CTNNA2: variants seen among roughly 807,000 people sequenced by gnomAD.
The protein encoded by CTNNA2 is catenin alpha 2.
In CTNNA2, 42 loss-of-function variants were observed where a neutral mutation model predicts 101.0. The observed-to-expected ratio is 0.42, with a 90% CI of 0.32 to 0.54. CTNNA2 has a LOEUF of 0.54. Ranked by LOEUF, CTNNA2 falls within the 20% of genes least tolerant of loss-of-function variation. The probability of loss-of-function intolerance (pLI) is 0.14; values close to 1 mark genes in which losing one functional copy is unlikely to be tolerated. For synonymous variants in CTNNA2, 450 were observed against 456.4 expected (o/e 0.99, Z 0.18); for missense variants, 871 against 1,223.1 (o/e 0.71, Z 4.29).
chr2:80,084,825 T>C (rs1397656952), intron 7 of CTNNA2, among the ~76,000 whole-genome samples: 1 of 152,104 alleles, frequency 6.6e-6, no homozygotes, highest in Non-Finnish European at 1.5e-5. Flanking sequence ...TGTGATGTTC[T>C]GTGATGTTTT....
chr2:80,384,092 C>T (rs1676771230), intron 7 of CTNNA2, among the ~76,000 whole-genome samples: 1 of 152,072 alleles, frequency 6.6e-6, no homozygotes, highest in Non-Finnish European at 1.5e-5. Flanking sequence ...ACATGTTCTC[C>T]CTTACAAATA....
At chr2:80,331,212 A>C (rs531552948) in intron 7 of CTNNA2, among the ~76,000 whole-genome samples, 15 of 152,174 alleles carry the variant, frequency 9.9e-5, no homozygotes, top group African/African-American at 2.9e-4. Context: ...CTGTGTCAGC[A>C]CATTAGGTAT....
At position 79,219,280 on chromosome 2, in the gene CTNNA2, A is replaced by T. The variant is rs1360282096; in HGVS notation, c.-406+21204A>T. 8.5e-5 allele frequency among the ~76,000 whole-genome samples: 13 copies of T among 152,328 alleles called. No homozygotes were observed. The East Asian group carries it at 2.3e-3, about 27-fold the overall frequency. ...AGTGTTATAAATTATAGAAAGAATC[A>T]GAATCAGCACTTTCTAAAGCCTCCA... On this transcript the variant is annotated intron_variant, in intron 2 of 21. Transcript: ENST00000466387.
At chr2:79,319,201 T>A (rs1260089206) in intron 3 of CTNNA2, among the ~76,000 whole-genome samples, 1 of 152,162 alleles carries the variant, frequency 6.6e-6, no homozygotes, top group Non-Finnish European at 1.5e-5. Context: ...AGAGTTCTGC[T>A]TCATGCAGTC....
At chr2:79,943,780 A>T (rs1376599382) in intron 7 of CTNNA2, among the ~76,000 whole-genome samples, 1 of 152,268 alleles carries the variant, frequency 6.6e-6, no homozygotes, top group African/African-American at 2.4e-5. Context: ...GTTTAAGCAA[A>T]TGATAGCCTT....
chr2:79,756,873 T>C (rs1013240923), intron 3 of CTNNA2, among the ~76,000 whole-genome samples: 3 of 152,202 alleles, frequency 2.0e-5, no homozygotes, highest in African/African-American at 7.2e-5. Context: ...AATGAGATTT[T>C]AATATCCTTA....
chr2:80,616,932 G>T (rs1558647499), intron 17 of CTNNA2, among the ~76,000 whole-genome samples: 1 of 151,650 alleles, frequency 6.6e-6, no homozygotes, highest in Non-Finnish European at 1.5e-5. Context: ...TTTGCATTGG[G>T]TTCCTGAAGT....
chr2:79,707,141 GCAACATCTGT>G (rs547912745), intron 2 of CTNNA2, among the ~76,000 whole-genome samples: 25 of 152,304 alleles, frequency 1.6e-4, no homozygotes, highest in African/African-American at 5.8e-4. Flanking sequence ...ACCTGGCTCA[GCAACATCTGT>G]GCGAGGACAC....
chr2:80,269,450 G>A (rs1673283731), intron 7 of CTNNA2, among the ~76,000 whole-genome samples: 1 of 152,096 alleles, frequency 6.6e-6, no homozygotes, highest in Non-Finnish European at 1.5e-5. Flanking sequence ...TCTTTTCTTT[G>A]TAAGTCTCGG....
intron 7 of CTNNA2, among the ~76,000 whole-genome samples, chr2:80,109,695 T>C (rs1407343131): frequency 6.6e-6 from 1 of 152,078 alleles, no homozygotes; most frequent in Non-Finnish European, 1.5e-5. Flanking sequence ...GTATGTCAAG[T>C]TTTTCTGTGT....
intron 7 of CTNNA2, among the ~76,000 whole-genome samples, chr2:80,231,084 G>A (rs1709183703): frequency 6.6e-6 from 1 of 152,040 alleles, no homozygotes; most frequent in Admixed American, 6.6e-5. Flanking sequence ...TGATTCTCCT[G>A]CCTCGGCCTC....
At chr2:80,054,178 G>A (rs1219961702) in intron 7 of CTNNA2, among the ~76,000 whole-genome samples, 1 of 152,194 alleles carries the variant, frequency 6.6e-6, no homozygotes, top group Admixed American at 6.5e-5. Flanking sequence ...CTGAGGGCCC[G>A]ACCTTGCTGG....
At chr2:80,357,679 T>C (rs1302117890) in intron 7 of CTNNA2, among the ~76,000 whole-genome samples, 1 of 152,114 alleles carries the variant, frequency 6.6e-6, no homozygotes, top group African/African-American at 2.4e-5. Context: ...TCAATATGAC[T>C]CTTCTAGTCA....
At chr2:80,439,906 A>G (rs1484333066) in intron 9 of CTNNA2, among the ~76,000 whole-genome samples, 1 of 152,244 alleles carries the variant, frequency 6.6e-6, no homozygotes, top group Non-Finnish European at 1.5e-5. Context: ...TGCCAATAGT[A>G]TTCTGAATAT....
intron 11 of CTNNA2, among the ~76,000 whole-genome samples, chr2:80,552,514 C>G (rs755280050): frequency 1.3e-5 from 2 of 152,130 alleles, no homozygotes; most frequent in Non-Finnish European, 2.9e-5. Context: ...TAAAAAGGGA[C>G]CTGAATTGGA....
chr2:79,816,636 C>G (rs1182822584), intron 3 of CTNNA2, among the ~76,000 whole-genome samples: 5 of 152,110 alleles, frequency 3.3e-5, no homozygotes, highest in Non-Finnish European at 7.4e-5. Context: ...TGAAAATAAT[C>G]CCCTGAAAAT....
intron 14 of CTNNA2, among the ~76,000 whole-genome samples, chr2:80,582,526 T>A (rs1474586061): frequency 2.0e-5 from 3 of 152,146 alleles, no homozygotes; most frequent in African/African-American, 7.2e-5. Context: ...ATGCATTTGG[T>A]CTAAAGAGCA....
chr2:79,548,813 G>A (rs1357418751), intron 1 of CTNNA2, among the ~76,000 whole-genome samples: 2 of 152,130 alleles, frequency 1.3e-5, no homozygotes, highest in African/African-American at 2.4e-5. Context: ...GGCCTGGCCT[G>A]CCCCACAGTG....
intron 7 of CTNNA2, among the ~76,000 whole-genome samples, chr2:80,001,622 C>T (rs958030808): frequency 6.6e-6 from 1 of 152,016 alleles, no homozygotes; most frequent in African/African-American, 2.4e-5. Flanking sequence ...TATGTTTAAC[C>T]AAGGAGTGTT....
Sources: allele counts gnomAD v4.1 joint callset (sites outside exome capture counted in the v4.1 genomes callset), GRCh38; gene constraint gnomAD v4.1.1; transcripts MANE v1.5; gene names NCBI Gene and HGNC (gene_info 2026-07-23, HGNC 2026-07-21).